Variants in HTT observed in about 807,000 individuals in gnomAD.
The protein encoded by HTT is huntington disease protein.
In HTT, 104 loss-of-function variants were observed where a neutral mutation model predicts 362.3. The ratio of observed to expected loss-of-function variants is 0.29; its 90% CI spans 0.24 to 0.34. HTT has a LOEUF of 0.34. HTT is among the 10% of genes least tolerant of loss of function. HTT has a pLI of 1.00. For synonymous variants in HTT, 1,577 were observed against 1,548.7 expected (o/e 1.02, Z -0.43); for missense variants, 3,301 against 3,928.6 (o/e 0.84, Z 4.27).
At chr4:3,166,700 G>A (rs986491032) in intron 29 of HTT, among the ~76,000 whole-genome samples, 2 of 152,270 alleles carry the variant, frequency 1.3e-5, no homozygotes, top group Non-Finnish European at 2.9e-5. Context: ...TCAGAGTGCT[G>A]CGCTAGCAGT....
At chr4:3,160,760 T>C (rs149343540) in intron 29 of HTT, among the ~76,000 whole-genome samples, 7 of 152,246 alleles carry the variant, frequency 4.6e-5, no homozygotes, top group South Asian at 2.1e-4. Context: ...ACTTGCTCTT[T>C]TGTGCCTGAG....
chr4:3,192,956 C>T (rs1719076713), intron 40 of HTT, among the ~76,000 whole-genome samples: 1 of 152,242 alleles, frequency 6.6e-6, no homozygotes, highest in Non-Finnish European at 1.5e-5. Flanking sequence ...GCGTCAGTAT[C>T]ACAAGTCTTG....
Position 3,130,043 on chromosome 4 carries a change from C to A in HTT, c.1863C>A (p.Ser621=). The A allele has an allele frequency of 6.2e-7, 1 of 1,608,350 alleles. No homozygotes were observed. The highest frequency in any genetic ancestry group is 8.5e-7 in the Non-Finnish European group (1 of 1,177,320). The change falls in exon 13 of 67, where the codon TCC becomes TCA. Residue 621 remains serine, a synonymous_variant. Transcript: ENST00000355072. ...DEASEAFRNS[S]MALQQAHLLK... is the part of the protein sequence containing the mutation. ...CCTCGGAGGCCTTCAGGAACTCTTC[C>A]ATGGGTATGTGGACTACAGGTGATG...
In HTT at chr4:3,206,585, A is replaced by G. The variant is rs1473764583; in HGVS notation, c.5808A>G (p.Val1936=). 2 of 1,614,110 alleles carry G rather than the reference A, an allele frequency of 1.2e-6. No individual in the cohort carries two copies. Among genetic ancestry groups the G allele is most frequent in the East Asian group, 2.2e-5 (1 of 44,878 alleles). The change falls in exon 43 of 67, where the codon GTA becomes GTG. Residue 1936 remains valine (V), a synonymous_variant. Transcript: ENST00000355072. This position sits in a 1 kb window ranked among gnomAD's most constrained non-coding sequence, Gnocchi z 4.6. ...DLISLSHEPP[V]QDFISAVHRN... ...TCAGCCTTTCCCACGAGCCTCCAGT[A>G]CAGGACTTCATCAGTGCCGTTCATC...
chr4:3,228,246 T>C lies in HTT; in HGVS notation c.7849-369T>C, dbSNP rs749396993. ...TTGGGTTTACCGCAATGACTGCCAG[T>C]GCGGGAGACTGGAAAAGGAATCTCA... is the stretch of plus-strand genomic sequence containing the variant. On this transcript the variant is annotated intron_variant, in intron 57 of 66. Transcript: ENST00000355072. This position sits in a 1 kb window ranked among gnomAD's most constrained non-coding sequence, Gnocchi z 4.3. Among the ~76,000 whole-genome samples, 21 of 152,200 alleles carry C rather than the reference T, an allele frequency of 1.4e-4. No homozygotes were observed. Among genetic ancestry groups the C allele is most frequent in the Non-Finnish European group, 2.5e-4 (17 of 68,038 alleles).
chr4:3,198,771 A>G (rs563096571), intron 40 of HTT, among the ~76,000 whole-genome samples: 13 of 152,350 alleles, frequency 8.5e-5, no homozygotes, highest in Middle Eastern at 3.4e-3. Flanking sequence ...ATTTGCCGGT[A>G]GAATCTAGCT....
intron 33 of HTT, 66 bp downstream of exon 33, chr4:3,175,173 C>T (rs967996938): frequency 2.1e-6 from 3 of 1,399,212 alleles, no homozygotes; most frequent in Non-Finnish European, 3.0e-6. Context: ...CCCTAAAAGA[C>T]ACTGAAATCT....
chr4:3,199,115 C>G (rs1719405977), intron 40 of HTT, among the ~76,000 whole-genome samples: 1 of 152,240 alleles, frequency 6.6e-6, no homozygotes. Context: ...TTCCCTGACT[C>G]CTTCTCCAGG....
intron 31 of HTT, among the ~76,000 whole-genome samples, chr4:3,173,527 G>A (rs1718088017): frequency 6.6e-6 from 1 of 152,168 alleles, no homozygotes; most frequent in Non-Finnish European, 1.5e-5. Flanking sequence ...CACTTTTCAG[G>A]CCTGTAACAA....
intron 8 of HTT, among the ~76,000 whole-genome samples, chr4:3,119,910 A>G (rs1715214307): frequency 6.6e-6 from 1 of 152,226 alleles, no homozygotes; most frequent in Non-Finnish European, 1.5e-5. Context: ...TCAGTCTTGC[A>G]GGCCATCCCA....
At chr4:3,082,018 A>G (rs530804562) in intron 1 of HTT, among the ~76,000 whole-genome samples, 14 of 151,660 alleles carry the variant, frequency 9.2e-5, no homozygotes, top group African/African-American at 2.7e-4. Context: ...TCCTAAGAAC[A>G]AAAGTGTTTC....
Position 3,172,969 on chromosome 4 carries a change from C to G in HTT, c.4004C>G (p.Pro1335Arg). Residue 1335 changes from proline to arginine, a missense_variant, in exon 31 of 67, where the codon CCC becomes CGC. Around this residue, in one of 4 missense-constraint regions of HTT, gnomAD observed 2,316 missense variants for 2,658.5 expected, o/e 0.87. Transcript: ENST00000355072. ...CAGTTTGATGGCTTATCTTCCAACC[C>G]CAGCAAGTCACAAGGCCGAGCACAG... The part of the protein sequence containing the change: ...ASQFDGLSSN[P>R]SKSQGRAQRL... 1.2e-6 allele frequency: 2 copies of G among 1,614,170 alleles called. No homozygotes were observed. Among genetic ancestry groups the G allele is most frequent in the Non-Finnish European group, 1.7e-6 (2 of 1,180,026 alleles).
At chr4:3,147,953 G>A (rs1716688807) in intron 25 of HTT, 52 bp from the exon 26 acceptor site, 2 of 1,439,072 alleles carry the variant, frequency 1.4e-6, no homozygotes, top group African/African-American at 1.4e-5. Flanking sequence ...CAAGCAATTT[G>A]TCCTTCCCAT....
chr4:3,103,017 A>G (rs973452685), intron 3 of HTT, among the ~76,000 whole-genome samples: 2 of 151,966 alleles, frequency 1.3e-5, no homozygotes, highest in African/African-American at 4.8e-5. Flanking sequence ...GCAGAAAAGG[A>G]TGCAGGACTC....
intron 9 of HTT, 36 bp from the exon 10 acceptor site, chr4:3,122,853 C>G (rs766722790): frequency 6.5e-7 from 1 of 1,544,432 alleles, no homozygotes. Context: ...ATTTTATCAG[C>G]TTGTTACTTT....
At chr4:3,142,971 C>T (rs552226814) in intron 23 of HTT, 85 bp downstream of exon 23, 30 of 1,029,050 alleles carry the variant, frequency 2.9e-5, no homozygotes, top group Admixed American at 2.3e-4. Context: ...GGTCATCTTA[C>T]GGTGAGGTGC....
At chr4:3,186,550 G>A (rs376433764) in intron 37 of HTT, 47 bp from the exon 38 acceptor site, 18 of 1,600,482 alleles carry the variant, frequency 1.1e-5, no homozygotes, top group Admixed American at 3.3e-5. Flanking sequence ...GGAAGCTGTC[G>A]TTTCTTTTGG....
intron 5 of HTT, among the ~76,000 whole-genome samples, chr4:3,106,267 G>A (rs1309399086): frequency 6.6e-6 from 1 of 152,062 alleles, no homozygotes; most frequent in Non-Finnish European, 1.5e-5. Flanking sequence ...GAGGTGGGAG[G>A]ATCACTTGAG....
rs141126574 is a variant in HTT at position 3,216,046 on chromosome 4, C to A, written c.7054+835C>A. Among the ~76,000 whole-genome samples, 474 of 152,334 alleles carry A rather than the reference C, an allele frequency of 3.1e-3. 4 individuals are homozygous for A. The highest frequency in any genetic ancestry group is 5.2e-3 in the Non-Finnish European group (354 of 68,032). ...TGGAGCATCAGGCATCTTTTCCATGCTCTGTGGCTCAGGAAACACGCCTTT... is the reference window on the plus strand; with the variant it reads ...TGGAGCATCAGGCATCTTTTCCATGATCTGTGGCTCAGGAAACACGCCTTT... On this transcript the variant is annotated intron_variant, in intron 51 of 66. Coordinates refer to ENST00000355072, the MANE Select transcript of HTT (RefSeq NM_001388492.1).
Sources: gnomAD v4.1 joint callset for allele counts (sites outside exome capture counted in the v4.1 genomes callset) on GRCh38, gnomAD v4.1.1 for gene constraint, gnomAD v4.1.1 regional missense constraint, Gnocchi (gnomAD v3.1) non-coding constraint, MANE v1.5 for transcripts, NCBI Gene and HGNC (gene_info 2026-07-23, HGNC 2026-07-21) for gene names.